PXDN: variants seen among roughly 807,000 people sequenced by gnomAD.
PXDN encodes peroxidasin homolog.
PXDN carries 77 observed loss-of-function variants against 140.3 expected under a neutral mutation model. The ratio of observed to expected loss-of-function variants is 0.55; its 90% CI spans 0.46 to 0.66. The LOEUF (loss-of-function observed/expected upper bound fraction) is 0.66, where lower values mean the gene tolerates loss of function less well. Ranked by LOEUF, PXDN falls within the 30% of genes least tolerant of loss-of-function variation. The pLI is 0.00. For missense variants in PXDN, 1,838 were observed against 2,039.5 expected (o/e 0.90, Z 1.90); for synonymous variants, 911 against 857.4 (o/e 1.06, Z -1.09).
In PXDN at chr2:1,632,702, C is replaced by T. The variant is rs1043395597; in HGVS notation, c.*1502G>A. 16 of 152,298 alleles carry T rather than the reference C, an allele frequency of 1.1e-4. No individual in the cohort carries two copies. Among genetic ancestry groups the T allele is most frequent in the African/African-American group, 3.9e-4 (16 of 41,450 alleles). 9.4% of individuals were successfully genotyped at this position (152,298 alleles called of 1,614,324 possible). ...CAAATCACACCAGGCACTGTATGCGCCCATCCTGTCAGAAGGAAGCTGGCC... is the reference window on the plus strand; with the variant it reads ...CAAATCACACCAGGCACTGTATGCGTCCATCCTGTCAGAAGGAAGCTGGCC... On this transcript the variant is annotated 3_prime_UTR_variant, in exon 23 of 23. Transcript: ENST00000252804. The surrounding 1 kb of genome is among the most constrained non-coding windows in gnomAD (Gnocchi z 4.3).
intron 1 of PXDN, among the ~76,000 whole-genome samples, chr2:1,722,472 A>G (rs758612417): frequency 2.0e-5 from 3 of 152,256 alleles, no homozygotes; most frequent in Non-Finnish European, 4.4e-5. Flanking sequence ...TGTGATCCTC[A>G]GAAGAACTGG....
intron 1 of PXDN, among the ~76,000 whole-genome samples, chr2:1,707,250 T>TCC: frequency 1.6e-5 from 2 of 128,840 alleles, no homozygotes; most frequent in African/African-American, 5.5e-5. Context: ...TGCTCACCAA[T>TCC]CAGCTCTAAG....
At chr2:1,666,069 G>C (rs551104873) in intron 10 of PXDN, 145 bp downstream of exon 10, 1 of 1,153,428 alleles carries the variant, frequency 8.7e-7, no homozygotes, top group East Asian at 2.6e-5. Context: ...TTTAGTCCAA[G>C]GGGGGTGTAA....
At chr2:1,704,881 C>A (rs1029603081) in intron 1 of PXDN, among the ~76,000 whole-genome samples, 2 of 151,980 alleles carry the variant, frequency 1.3e-5, no homozygotes, top group African/African-American at 4.8e-5. Context: ...ATTTGGGGGT[C>A]CCAAGACTTA....
Position 1,649,831 on chromosome 2 carries a change from C to G in PXDN, c.2105-156G>C, listed in dbSNP as rs920376374. Among the ~76,000 whole-genome samples, 2 of 152,158 alleles carry G rather than the reference C, an allele frequency of 1.3e-5. No individual in the cohort carries two copies. Among genetic ancestry groups the G allele is most frequent in the African/African-American group, 4.8e-5 (2 of 41,434 alleles). On this transcript the variant is annotated intron_variant, in intron 16 of 22. Coordinates refer to ENST00000252804, the MANE Select transcript of PXDN (RefSeq NM_012293.3). This position sits in a 1 kb window ranked among gnomAD's most constrained non-coding sequence, Gnocchi z 7.1. ...GCAACAAGCGCTTCCTGCTGGAAAC[C>G]TGCTCACCTCCTGTTTGGTAAAACT...
In PXDN at chr2:1,633,643, A is replaced by G. The variant is rs945593803; in HGVS notation, c.*561T>C. 22 of 151,494 alleles carry G rather than the reference A, an allele frequency of 1.5e-4. No individual in the cohort carries two copies. Among genetic ancestry groups the G allele is most frequent in the African/African-American group, 5.3e-4 (22 of 41,236 alleles). The allele number at this position is 151,494 out of a possible 1,614,324, so 9.4% of individuals were successfully genotyped here. A position where few individuals can be genotyped will look rare whatever the true frequency, so the allele number is the denominator to read the frequency against. On this transcript the variant is annotated 3_prime_UTR_variant, in exon 23 of 23. Coordinates refer to ENST00000252804, the MANE Select transcript of PXDN (RefSeq NM_012293.3). Reference sequence around the variant, plus strand: ...GGGGGCTTGCACTGCACCCCCAGACAGTGTCCCTGTGAACGCTCTCATCAA... The same window carrying G: ...GGGGGCTTGCACTGCACCCCCAGACGGTGTCCCTGTGAACGCTCTCATCAA...
At chr2:1,644,468 C>T in intron 18 of PXDN, 150 bp downstream of exon 18, 7 of 916,326 alleles carry the variant, frequency 7.6e-6, no homozygotes, top group Non-Finnish European at 1.0e-5. Flanking sequence ...ATACCAGGGC[C>T]TCAGTGCCTT....
chr2:1,736,680 T>A (rs557047329), intron 1 of PXDN, among the ~76,000 whole-genome samples: 47 of 148,220 alleles, frequency 3.2e-4, no homozygotes, highest in Non-Finnish European at 5.2e-4. Flanking sequence ...AAAAGAAATT[T>A]AAAAAAAAAA....
intron 1 of PXDN, among the ~76,000 whole-genome samples, chr2:1,738,412 G>A (rs1051126953): frequency 6.6e-6 from 1 of 152,118 alleles, no homozygotes; most frequent in African/African-American, 2.4e-5. Flanking sequence ...ATGTGGGCCG[G>A]GCAGGACTGC....
chr2:1,680,290 C>G lies in PXDN; in HGVS notation c.633G>C (p.Ala211=). Residue 211 remains alanine, a synonymous_variant, in exon 7 of 23, where the codon GCG becomes GCC. Transcript: ENST00000252804. ...CCGCTGCCTGCGCGTTCCCCGACTCCGCGTAGGTTTTCAGCAAATCCGCCA... is the reference window on the plus strand; with the variant it reads ...CCGCTGCCTGCGCGTTCCCCGACTCGGCGTAGGTTTTCAGCAAATCCGCCA... ...LWLADLLKTY[A]ESGNAQAAAI... 6.2e-7 allele frequency: 1 copy of G among 1,613,976 alleles called. No individual in the cohort carries two copies. The highest frequency in any genetic ancestry group is 2.2e-5 in the East Asian group (1 of 44,878).
chr2:1,715,214 C>G (rs1260456152), intron 1 of PXDN, among the ~76,000 whole-genome samples: 4 of 152,064 alleles, frequency 2.6e-5, no homozygotes, highest in Non-Finnish European at 1.5e-5. Flanking sequence ...AGACCCTGCT[C>G]CGGGGTTAAG....
intron 17 of PXDN, among the ~76,000 whole-genome samples, chr2:1,646,638 T>C (rs149690323): frequency 0.012 from 1,774 of 152,280 alleles, 32 homozygotes; most frequent in African/African-American, 0.041. Context: ...AAGTAAAAAA[T>C]CACTTTCCCC....
chr2:1,681,463 G>A (rs143195512), intron 6 of PXDN, among the ~76,000 whole-genome samples: 31 of 152,152 alleles, frequency 2.0e-4, no homozygotes, highest in African/African-American at 7.0e-4. Flanking sequence ...AACCCTCAAT[G>A]AGGTGGCCCC....
rs1046831821 is a variant in PXDN, at chr2:1,691,644, C to T, written c.344+284G>A. 6.6e-5 allele frequency among the ~76,000 whole-genome samples: 10 copies of T among 152,166 alleles called. 1 individual carries two copies. Among genetic ancestry groups the T allele is most frequent in the Admixed American group, 6.5e-4 (10 of 15,270 alleles). On this transcript the variant is annotated intron_variant, in intron 3 of 22. Coordinates refer to ENST00000252804, the MANE Select transcript of PXDN (RefSeq NM_012293.3). ...TCACTTTCCCCTCTGGAAGCATCACCATCATTTCCAGAGCGATTTTCAGAG... is the reference window on the plus strand; with the variant it reads ...TCACTTTCCCCTCTGGAAGCATCACTATCATTTCCAGAGCGATTTTCAGAG...
At position 1,642,264 on chromosome 2, in the gene PXDN, CAG is replaced by C. The variant is rs555772167; in HGVS notation, c.3952+1102_3952+1103del. On this transcript the variant is annotated intron_variant, in intron 19 of 22. Coordinates refer to ENST00000252804, the MANE Select transcript of PXDN (RefSeq NM_012293.3). ...CACACACACACCCCACAGTCGCACA[CAG>C]ACACAGAGGCACGCACTCTCTTAGA... Among the ~76,000 whole-genome samples, 16 of 152,276 alleles carry C rather than the reference CAG, an allele frequency of 1.1e-4. 2 individuals are homozygous for C. In the South Asian group the frequency reaches 2.1e-3, roughly 20 times the overall value.
At position 1,648,782 on chromosome 2, in the gene PXDN, T is replaced by A. The variant is rs1682924881; in HGVS notation, c.2998A>T (p.Thr1000Ser). 1 of 1,604,296 alleles carries A rather than the reference T, an allele frequency of 6.2e-7. No individual in the cohort carries two copies. The highest frequency in any genetic ancestry group is 1.3e-5 in the African/African-American group (1 of 74,750). The change falls in exon 17 of 23, where the codon ACG becomes TCG. Residue 1000 changes from threonine to serine, a missense_variant. Around this residue, in one of 5 missense-constraint regions of PXDN, gnomAD observed 850 missense variants for 894.1 expected, o/e 0.95. Coordinates refer to ENST00000252804, the MANE Select transcript of PXDN (RefSeq NM_012293.3). This position sits in a 1 kb window ranked among gnomAD's most constrained non-coding sequence, Gnocchi z 8.9. The part of the protein sequence containing the change: ...LWFREHNRIA[T>S]ELLKLNPHWD... ...TGCGGGTTCAGCTTGAGCAGCTCCG[T>A]GGCAATGCGGTTGTGCTCGCGGAAC...
At chr2:1,735,380 G>A (rs1030403445) in intron 1 of PXDN, among the ~76,000 whole-genome samples, 1 of 152,186 alleles carries the variant, frequency 6.6e-6, no homozygotes, top group Non-Finnish European at 1.5e-5. Flanking sequence ...AGCAGTTACA[G>A]TATTATGGAA....
chr2:1,737,132 G>A (rs766991527), intron 1 of PXDN, among the ~76,000 whole-genome samples: 8 of 152,282 alleles, frequency 5.3e-5, no homozygotes, highest in Non-Finnish European at 7.4e-5. Flanking sequence ...TGCTTTCCAC[G>A]GGCAGATGAC....
Position 1,671,234 on chromosome 2 carries a change from G to C in PXDN, c.1018+2409C>G, listed in dbSNP as rs539242729. 3.3e-5 allele frequency among the ~76,000 whole-genome samples: 5 copies of C among 152,294 alleles called. No homozygotes were observed. The South Asian group carries it at 1.0e-3, about 32-fold the overall frequency. On this transcript the variant is annotated intron_variant, in intron 9 of 22. Coordinates refer to ENST00000252804, the MANE Select transcript of PXDN (RefSeq NM_012293.3). ...TTAAAAGAACAGAAATGGGCACATAGTGTCCAAACAAGTAGTGGGGAGCAA... is the reference window on the plus strand; with the variant it reads ...TTAAAAGAACAGAAATGGGCACATACTGTCCAAACAAGTAGTGGGGAGCAA...
Sources: allele counts gnomAD v4.1 joint callset (sites outside exome capture counted in the v4.1 genomes callset), GRCh38; gene constraint gnomAD v4.1.1; regional missense constraint gnomAD v4.1.1; non-coding constraint Gnocchi (gnomAD v3.1); transcripts MANE v1.5; gene names NCBI Gene and HGNC (gene_info 2026-07-23, HGNC 2026-07-21).